The following CALN1 variants were observed in gnomAD, a reference collection of about 807,000 sequenced individuals.
CALN1 encodes the protein calneuron 1, also known as calcium-binding protein 8.
In CALN1, 17 loss-of-function variants were observed where a neutral mutation model predicts 30.6. That is an observed-to-expected ratio of 0.56 (90% CI 0.38 to 0.83). The LOEUF (loss-of-function observed/expected upper bound fraction) is 0.83. Ranked by LOEUF, CALN1 falls within the 40% of genes least tolerant of loss-of-function variation. The pLI, the probability that CALN1 is intolerant of heterozygous loss-of-function variation, is 0.00. For synonymous variants in CALN1, 156 were observed against 131.4 expected (o/e 1.19, Z -1.28); for missense variants, 291 against 354.9 (o/e 0.82, Z 1.45).
At chr7:71,968,176 A>T (rs1797620927) in intron 5 of CALN1, among the ~76,000 whole-genome samples, 1 of 152,190 alleles carries the variant, frequency 6.6e-6, no homozygotes, top group Non-Finnish European at 1.5e-5. Flanking sequence ...ACAGAGTGTA[A>T]GCTATGGTAG....
intron 5 of CALN1, among the ~76,000 whole-genome samples, chr7:71,912,491 C>T (rs733909): frequency 0.17 from 26,011 of 152,108 alleles, 2,519 homozygotes; most frequent in Non-Finnish European, 0.22. Flanking sequence ...ACACACAATT[C>T]GTGCATGTTT....
upstream of CALN1, chr7:72,412,419 G>A (rs973092298): frequency 2.0e-5 from 3 of 152,156 alleles, no homozygotes; most frequent in Admixed American, 6.5e-5. Context: ...TTTACAGAGT[G>A]CTGATTGGTC....
chr7:72,309,231 G>A (rs1799871949), intron 2 of CALN1, among the ~76,000 whole-genome samples: 1 of 152,186 alleles, frequency 6.6e-6, no homozygotes, highest in Non-Finnish European at 1.5e-5. Context: ...AGATGGAGAA[G>A]ACACAACTAA....
At chr7:72,339,664 G>A (rs1329831442) in intron 2 of CALN1, among the ~76,000 whole-genome samples, 3 of 152,204 alleles carry the variant, frequency 2.0e-5, no homozygotes, top group Admixed American at 6.5e-5. Flanking sequence ...GAGGTTTAAT[G>A]GACTCACAGT....
chr7:72,470,907 C>T, the CALN1 span, among the ~76,000 whole-genome samples: 2 of 152,116 alleles, frequency 1.3e-5, no homozygotes, highest in Non-Finnish European at 2.9e-5. Flanking sequence ...TGTTAACAAG[C>T]AAGACAGTTG....
chr7:72,121,311 G>A (rs860000), intron 3 of CALN1, among the ~76,000 whole-genome samples: 109,728 of 142,276 alleles, frequency 0.77, 42,781 homozygotes, highest in East Asian at 0.96. Flanking sequence ...TATAAATTAA[G>A]TGAATATATA....
intron 3 of CALN1, among the ~76,000 whole-genome samples, chr7:72,261,244 G>A (rs1164438288): frequency 6.6e-6 from 1 of 152,092 alleles, no homozygotes; most frequent in East Asian, 1.9e-4. Context: ...GGAGGCAGAG[G>A]TTGCAGTAAG....
chr7:72,057,973 T>C lies in CALN1; in HGVS notation c.389-34204A>G, dbSNP rs150657806. ...CTGATAATTTCCTCTGTGGAACACG[T>C]AGCACAGTTTTCTAAGTCGTGCAGA... On this transcript the variant is annotated intron_variant, in intron 4 of 6. Coordinates refer to ENST00000395275, the MANE Select transcript of CALN1 (RefSeq NM_031468.4). Among the ~76,000 whole-genome samples, 8 of 152,332 alleles carry C rather than the reference T, an allele frequency of 5.3e-5. No individual in the cohort carries two copies. The East Asian group carries it at 1.3e-3, about 26-fold the overall frequency.
intron 3 of CALN1, among the ~76,000 whole-genome samples, chr7:72,116,640 G>A (rs1197152526): frequency 6.6e-6 from 1 of 152,134 alleles, no homozygotes; most frequent in Non-Finnish European, 1.5e-5. Flanking sequence ...CAAGTTAGCT[G>A]CAAGTATTAA....
intron 3 of CALN1, among the ~76,000 whole-genome samples, chr7:72,109,805 G>A (rs1328179449): frequency 6.6e-6 from 1 of 152,222 alleles, no homozygotes; most frequent in Non-Finnish European, 1.5e-5. Context: ...CCATGAGGCA[G>A]CCAGCGCCAA....
chr7:72,360,141 T>TA (rs1803488184), intron 2 of CALN1, among the ~76,000 whole-genome samples: 2 of 152,126 alleles, frequency 1.3e-5, no homozygotes, highest in African/African-American at 4.8e-5. Context: ...ATAAAGGACA[T>TA]TATTGCAACA....
At chr7:72,341,815 C>A (rs1284696676) in intron 2 of CALN1, among the ~76,000 whole-genome samples, 2 of 152,144 alleles carry the variant, frequency 1.3e-5, no homozygotes, top group African/African-American at 4.8e-5. Flanking sequence ...GTTAACCTGG[C>A]TCCAGGCATA....
intron 2 of CALN1, among the ~76,000 whole-genome samples, chr7:72,338,662 GTTT>G (rs1421399572): frequency 1.3e-5 from 2 of 151,918 alleles, no homozygotes; most frequent in African/African-American, 4.8e-5. Flanking sequence ...TTTTAAATAT[GTTT>G]TTGTTATTTT....
At chr7:72,285,465 G>A (rs781621727) in intron 2 of CALN1, among the ~76,000 whole-genome samples, 15 of 152,036 alleles carry the variant, frequency 9.9e-5, no homozygotes, top group African/African-American at 3.6e-4. Flanking sequence ...GGATAGTCTC[G>A]ATCTCCTGAC....
chr7:71,960,134 AAAATAAAT>A (rs71092940), intron 5 of CALN1, among the ~76,000 whole-genome samples: 62,032 of 135,450 alleles, frequency 0.46, 14,769 homozygotes, highest in East Asian at 0.61. Flanking sequence ...CTCCATCTCA[AAAATAAAT>A]AAATAAATAA....
At chr7:72,289,140 C>T (rs780170022) in intron 2 of CALN1, among the ~76,000 whole-genome samples, 117 of 152,312 alleles carry the variant, frequency 7.7e-4, no homozygotes, top group Non-Finnish European at 9.3e-4. Flanking sequence ...GATGAGAAAT[C>T]TATAGGTATA....
the CALN1 span, among the ~76,000 whole-genome samples, chr7:72,473,916 G>A: frequency 2.1e-5 from 3 of 145,340 alleles, no homozygotes; most frequent in East Asian, 2.0e-4. Flanking sequence ...GCAACAAAGC[G>A]AGACTCTGTT....
At chr7:71,985,584 CTT>C (rs962922789) in intron 5 of CALN1, among the ~76,000 whole-genome samples, 20 of 96,436 alleles carry the variant, frequency 2.1e-4, no homozygotes, top group African/African-American at 4.7e-4. Flanking sequence ...AGGTAGTTTT[CTT>C]TTTTTTTTTT....
intron 2 of CALN1, among the ~76,000 whole-genome samples, chr7:72,352,308 G>C (rs767298049): frequency 2.0e-5 from 3 of 148,130 alleles, no homozygotes; most frequent in Non-Finnish European, 1.5e-5. Flanking sequence ...AGAATCGCTT[G>C]AACCTGGGAG....
Sources: gnomAD v4.1 joint callset for allele counts (sites outside exome capture counted in the v4.1 genomes callset) on GRCh38, gnomAD v4.1.1 for gene constraint, MANE v1.5 for transcripts, NCBI Gene and HGNC (gene_info 2026-07-23, HGNC 2026-07-21) for gene names.